The following DLG5 variants were observed in gnomAD, a reference collection of about 807,000 sequenced individuals.
The protein encoded by DLG5 is disks large homolog 5.
In DLG5, 48 loss-of-function variants were observed where a neutral mutation model predicts 189.8. That is an observed-to-expected ratio of 0.25 (90% CI 0.20 to 0.32). The LOEUF (loss-of-function observed/expected upper bound fraction) is 0.32. DLG5 is among the 10% of genes least tolerant of loss of function. DLG5 has a pLI of 1.00. For synonymous variants in DLG5, 1,016 were observed against 1,054.1 expected (o/e 0.96, Z 0.70); for missense variants, 2,160 against 2,544.7 (o/e 0.85, Z 3.25).
At chr10:77,863,822 G>C (rs928671261) in intron 2 of DLG5, among the ~76,000 whole-genome samples, 2 of 152,208 alleles carry the variant, frequency 1.3e-5, no homozygotes, top group African/African-American at 4.8e-5. Flanking sequence ...ATCAGGAGCA[G>C]GCTCTGGATG....
upstream of DLG5, among the ~76,000 whole-genome samples, chr10:77,930,952 C>G (rs1846781267): frequency 6.6e-6 from 1 of 151,406 alleles, no homozygotes; most frequent in African/African-American, 2.4e-5. Flanking sequence ...TCCTGAGTAG[C>G]TGGGATTACA....
At chr10:77,896,559 G>A (rs1271448688) in intron 1 of DLG5, among the ~76,000 whole-genome samples, 1 of 152,108 alleles carries the variant, frequency 6.6e-6, no homozygotes, top group Non-Finnish European at 1.5e-5. Context: ...AGCAAATATG[G>A]CCCAGGCGCA....
chr10:77,876,722 G>GGAGGGAGGGAGGGAGGGAGA (rs1845106574), intron 1 of DLG5, among the ~76,000 whole-genome samples: 1 of 82,626 alleles, frequency 1.2e-5, no homozygotes, highest in Non-Finnish European at 2.5e-5. Flanking sequence ...AGGGAGGGAG[G>GGAGGGAGGGAGGGAGGGAGA]GAGGGAAGGA....
At chr10:77,876,759 A>AAT in intron 1 of DLG5, among the ~76,000 whole-genome samples, 1 of 130,952 alleles carries the variant, frequency 7.6e-6, no homozygotes, top group South Asian at 2.5e-4. Flanking sequence ...AAAAAAAAAA[A>AAT]GTAAAGGGGA....
At position 77,821,872 on chromosome 10, in the gene DLG5, G is replaced by A; in HGVS notation, c.2612C>T (p.Pro871Leu). 6.2e-7 allele frequency: 1 copy of A among 1,614,192 alleles called. No homozygotes were observed. Among genetic ancestry groups the A allele is most frequent in the Non-Finnish European group, 8.5e-7 (1 of 1,180,026 alleles). ...GACCTGCAAGGGTCCCCCAGGGAAT[G>A]GCTTATGCAGAAAGGAGCTGCTGCC... ...PGGSSSFLHK[P>L]FPGGPLQVCP... The change falls in exon 15 of 32, where the codon CCA (proline) becomes CTA (leucine). Residue 871 changes from proline to leucine, a missense_variant. This residue lies in a region of DLG5 where 754 missense variants were observed against 746.5 expected (regional missense o/e 1.01). Coordinates refer to ENST00000372391, the MANE Select transcript of DLG5 (RefSeq NM_004747.4).
In DLG5 at chr10:77,816,577, C is replaced by A; in HGVS notation, c.3999G>T (p.Ala1333=). Residue 1333 remains alanine (A), a synonymous_variant, in exon 20 of 32, where the codon GCG becomes GCT. Coordinates refer to ENST00000372391, the MANE Select transcript of DLG5 (RefSeq NM_004747.4). ...STLPRIAVNP[A]SLGERRKDRP... ...TGTCCTTTCTCCGCTCCCCGAGGGA[C>A]GCGGGGTTGACAGCGATTCTGGGCA... 4.3e-6 allele frequency: 7 copies of A among 1,614,148 alleles called. No individual in the cohort carries two copies. Among genetic ancestry groups the A allele is most frequent in the Non-Finnish European group, 5.9e-6 (7 of 1,180,024 alleles).
chr10:77,897,620 T>C (rs1845801103), intron 1 of DLG5, among the ~76,000 whole-genome samples: 1 of 140,372 alleles, frequency 7.1e-6, no homozygotes, highest in African/African-American at 2.7e-5. Context: ...GCCCAGGAGT[T>C]CAAGACCAGC....
rs1242503596 is a variant in DLG5 at position 77,806,743 on chromosome 10, C to G, written c.4967+15G>C. 2 of 1,595,928 alleles carry G rather than the reference C, an allele frequency of 1.3e-6. No homozygotes were observed. Among genetic ancestry groups the G allele is most frequent in the South Asian group, 2.2e-5 (2 of 90,470 alleles). ...ACCCCTGCCCCACCCCACCCCAGGC[C>G]CGGAGAACACTTACACATATTTGCT... is the stretch of plus-strand genomic sequence containing the variant. On this transcript the variant is annotated intron_variant, in intron 26 of 31. Transcript: ENST00000372391.
chr10:77,898,443 C>G (rs1250877183), intron 1 of DLG5, among the ~76,000 whole-genome samples: 1 of 152,260 alleles, frequency 6.6e-6, no homozygotes, highest in East Asian at 1.9e-4. Flanking sequence ...CCTGCCAGCC[C>G]TCCGGGCACA....
chr10:77,868,941 C>G (rs528039551), intron 2 of DLG5, 188 bp downstream of exon 2: 1 of 602,824 alleles, frequency 1.7e-6, no homozygotes, highest in South Asian at 2.0e-5. Flanking sequence ...CTCACCTCCC[C>G]ACCTCCTTCT....
chr10:77,910,048 T>A (rs2131831721), intron 1 of DLG5, among the ~76,000 whole-genome samples: 1 of 152,254 alleles, frequency 6.6e-6, no homozygotes, highest in African/African-American at 2.4e-5. Context: ...CCTGCCAGCA[T>A]CAGACCCATT....
At chr10:77,926,854 C>A, upstream of DLG5, 1 of 233,160 alleles carries the variant, frequency 4.3e-6, no homozygotes, top group Non-Finnish European at 8.7e-6. The surrounding 1 kb of genome is among the most constrained non-coding windows in gnomAD (Gnocchi z 5.2). Context: ...CGGGCATGCT[C>A]CCCCTCCCCC....
intron 12 of DLG5, 101 bp downstream of exon 12, chr10:77,829,254 A>G: frequency 1.3e-6 from 2 of 1,502,314 alleles, no homozygotes; most frequent in Non-Finnish European, 1.8e-6. Flanking sequence ...TTGGCCCCTC[A>G]TCCCTGTGAA....
chr10:77,892,109 G>A (rs1845627750), intron 1 of DLG5, among the ~76,000 whole-genome samples: 1 of 152,226 alleles, frequency 6.6e-6, no homozygotes, highest in Non-Finnish European at 1.5e-5. Flanking sequence ...AGGAACATGG[G>A]ATGGCACAGC....
At chr10:77,826,258 G>A (rs960375190) in intron 13 of DLG5, among the ~76,000 whole-genome samples, 8 of 152,196 alleles carry the variant, frequency 5.3e-5, no homozygotes, top group South Asian at 2.1e-4. Flanking sequence ...ACTATCCCTC[G>A]GGAGGGACTG....
At chr10:77,903,978 C>T (rs1233833110) in intron 1 of DLG5, among the ~76,000 whole-genome samples, 1 of 152,162 alleles carries the variant, frequency 6.6e-6, no homozygotes, top group Non-Finnish European at 1.5e-5. Flanking sequence ...CAAGAGCTCT[C>T]GCAATTCCTT....
chr10:77,921,832 T>C (rs1269030735), intron 1 of DLG5, among the ~76,000 whole-genome samples: 1 of 151,710 alleles, frequency 6.6e-6, no homozygotes, highest in Non-Finnish European at 1.5e-5. Context: ...GCACAGGAGG[T>C]GTGGGGAGTG....
chr10:77,823,395 A>G (rs1842461330), intron 14 of DLG5, among the ~76,000 whole-genome samples: 1 of 152,232 alleles, frequency 6.6e-6, no homozygotes, highest in Non-Finnish European at 1.5e-5. Context: ...TCAAATATGT[A>G]GAAAAGTATA....
upstream of DLG5, chr10:77,927,120 T>C: frequency 6.0e-6 from 1 of 166,214 alleles, no homozygotes; most frequent in South Asian, 1.7e-4. Flanking sequence ...CCCTCCTCTC[T>C]CCCCTCCCCA....
Sources: allele counts gnomAD v4.1 joint callset (sites outside exome capture counted in the v4.1 genomes callset), GRCh38; gene constraint gnomAD v4.1.1; regional missense constraint gnomAD v4.1.1; non-coding constraint Gnocchi (gnomAD v3.1); transcripts MANE v1.5; gene names NCBI Gene and HGNC (gene_info 2026-07-23, HGNC 2026-07-21).